PAK3: variants seen among roughly 807,000 people sequenced by gnomAD.
The protein encoded by PAK3 is p21 (RAC1) activated kinase 3.
PAK3 carries 4 observed loss-of-function variants against 41.0 expected under a neutral mutation model. The observed-to-expected ratio is 0.10, with a 90% confidence interval of 0.05 to 0.22. The LOEUF is 0.22. Ranked by LOEUF, PAK3 falls within the 10% of genes least tolerant of loss-of-function variation. The pLI, the probability that PAK3 is intolerant of heterozygous loss-of-function variation, is 1.00. For synonymous variants in PAK3, 146 were observed against 139.6 expected, an observed-to-expected ratio of 1.05 and a Z score of -0.32; for missense variants, 205 against 409.9, an observed-to-expected ratio of 0.50 and a Z score of 4.32.
chrX:111,160,470 T>A (rs1210239783), intron 8 of PAK3, among the ~76,000 whole-genome samples: 1 of 108,219 alleles, frequency 9.2e-6, no homozygotes, highest in Non-Finnish European at 1.9e-5. Flanking sequence ...TATTTTATTT[T>A]TTATTATTAT....
At chrX:111,042,980 G>A (rs2092465471) in intron 1 of PAK3, among the ~76,000 whole-genome samples, 1 of 111,920 alleles carries the variant, frequency 8.9e-6, no homozygotes, top group South Asian at 3.8e-4. Context: ...GTAGAGATTA[G>A]TAAACATTCA....
chrX:111,109,484 T>G (rs2093331973), intron 4 of PAK3, among the ~76,000 whole-genome samples: 1 of 112,010 alleles, frequency 8.9e-6, no homozygotes, highest in Non-Finnish European at 1.9e-5. Flanking sequence ...ATAGGATTAG[T>G]CCATGGAGTT....
chrX:111,023,948 T>C (rs1261451515), intron 1 of PAK3, among the ~76,000 whole-genome samples: 1 of 112,144 alleles, frequency 8.9e-6, no homozygotes, highest in Non-Finnish European at 1.9e-5. Context: ...TTTTTGTGTT[T>C]TACTCATGAA....
At chrX:111,137,599 C>T (rs947752342) in intron 5 of PAK3, among the ~76,000 whole-genome samples, 1 of 111,336 alleles carries the variant, frequency 9.0e-6, no homozygotes, top group Non-Finnish European at 1.9e-5. Flanking sequence ...AACTGCAGAA[C>T]ATTGGGGTGG....
Position 111,175,564 on chromosome X carries a change from G to A in PAK3, c.830+2483G>A, listed in dbSNP as rs138468411. On this transcript the variant is annotated intron_variant, in intron 11 of 17. Transcript: ENST00000372007. Reference sequence around the variant, plus strand: ...CTGGGAGTTATTTGTTTATTAATTCGTAAAGTGTTTTTCCATGGTTGTTTT... The same window carrying A: ...CTGGGAGTTATTTGTTTATTAATTCATAAAGTGTTTTTCCATGGTTGTTTT... 6.1e-3 allele frequency among the ~76,000 whole-genome samples: 679 copies of A among 111,078 alleles called. 10 individuals are homozygous for A. The highest frequency in any genetic ancestry group is 0.021 in the African/African-American group (629 of 30,657).
At chrX:111,203,378 T>G (rs2094704764) in intron 16 of PAK3, among the ~76,000 whole-genome samples, 1 of 111,821 alleles carries the variant, frequency 8.9e-6, no homozygotes, top group South Asian at 3.8e-4. Context: ...ATATGCTATT[T>G]TCTTTTGCAA....
intron 4 of PAK3, among the ~76,000 whole-genome samples, chrX:111,117,450 C>T (rs981939706): frequency 2.7e-5 from 3 of 111,379 alleles, no homozygotes; most frequent in East Asian, 5.7e-4. Context: ...CTTTCTTCTT[C>T]GCAATGTTGA....
chrX:111,100,399 A>C (rs1267598342), intron 3 of PAK3, among the ~76,000 whole-genome samples: 4 of 111,230 alleles, frequency 3.6e-5, no homozygotes, highest in African/African-American at 1.3e-4. Flanking sequence ...CAATTTTAAG[A>C]GCTCCCCATG....
intron 1 of PAK3, among the ~76,000 whole-genome samples, chrX:111,007,289 ACT>A: frequency 9.0e-6 from 1 of 111,294 alleles, no homozygotes; most frequent in Middle Eastern, 4.6e-3. Flanking sequence ...TGTGGGAGTC[ACT>A]CTGATCCACA....
chrX:111,187,609 T>A (rs1477428356), intron 11 of PAK3, among the ~76,000 whole-genome samples: 1 of 111,231 alleles, frequency 9.0e-6, no homozygotes, highest in African/African-American at 3.3e-5. Context: ...TGAAGGAAGT[T>A]GAGATCTCTT....
chrX:111,133,019 A>G (rs1356567659), intron 5 of PAK3, among the ~76,000 whole-genome samples: 4 of 111,734 alleles, frequency 3.6e-5, no homozygotes, highest in Non-Finnish European at 7.5e-5. Flanking sequence ...TGAGTGAAAC[A>G]GCAACCATCT....
chrX:110,999,696 A>T, intron 1 of PAK3, among the ~76,000 whole-genome samples: 1 of 107,210 alleles, frequency 9.3e-6, no homozygotes, highest in East Asian at 2.9e-4. Context: ...AAAAAAAGCC[A>T]GGTGCAGTGG....
chrX:110,963,442 A>G (rs1449024253), intron 1 of PAK3, among the ~76,000 whole-genome samples: 3 of 111,234 alleles, frequency 2.7e-5, no homozygotes, highest in African/African-American at 9.8e-5. Context: ...GAAAGTGCAC[A>G]CTCTTACCTA....
chrX:111,148,777 A>G (rs138204868), intron 7 of PAK3, among the ~76,000 whole-genome samples: 1 of 110,367 alleles, frequency 9.1e-6, no homozygotes, highest in Non-Finnish European at 1.9e-5. Flanking sequence ...TGTTGGAATT[A>G]TGGGATATAC....
chrX:110,954,287 C>T (rs2090806446), intron 1 of PAK3, among the ~76,000 whole-genome samples: 1 of 112,330 alleles, frequency 8.9e-6, no homozygotes, highest in South Asian at 3.7e-4. Context: ...TTATATATAG[C>T]TCCCATTTAT....
chrX:110,955,515 T>C (rs1462447408), intron 1 of PAK3, among the ~76,000 whole-genome samples: 1 of 111,134 alleles, frequency 9.0e-6, no homozygotes, highest in Non-Finnish European at 1.9e-5. Context: ...GCACCTGTAG[T>C]GCACCTCAGC....
At chrX:111,172,950 C>A in intron 10 of PAK3, 68 bp from the exon 11 acceptor site, 1 of 624,276 alleles carries the variant, frequency 1.6e-6, no homozygotes, top group South Asian at 2.3e-5. Context: ...CAATCAATTT[C>A]TATTTCTCTC....
chrX:111,040,972 G>T (rs750765769), intron 1 of PAK3, among the ~76,000 whole-genome samples: 1 of 112,277 alleles, frequency 8.9e-6, no homozygotes, highest in South Asian at 3.7e-4. Flanking sequence ...AAAGGTAATT[G>T]TTTTCCAGTG....
chrX:111,158,049 G>A (rs772829176), intron 8 of PAK3, among the ~76,000 whole-genome samples: 3 of 111,881 alleles, frequency 2.7e-5, no homozygotes, highest in Non-Finnish European at 5.6e-5. Flanking sequence ...TAAACTTAGA[G>A]TGACATAAAA....
Sources: gnomAD v4.1 joint callset for allele counts (sites outside exome capture counted in the v4.1 genomes callset) on GRCh38, gnomAD v4.1.1 for gene constraint, MANE v1.5 for transcripts, NCBI Gene and HGNC (gene_info 2026-07-23, HGNC 2026-07-21) for gene names.